KIAA1191: variants seen among roughly 807,000 people sequenced by gnomAD.
KIAA1191 encodes putative monooxygenase p33MONOX.
KIAA1191 carries 22 observed loss-of-function variants against 31.1 expected under a neutral mutation model. That is an observed-to-expected ratio of 0.71 (90% CI 0.51 to 1.01). The LOEUF is 1.01. KIAA1191 is among the 50% of genes least tolerant of loss of function. The probability of loss-of-function intolerance (pLI) is 0.00; values close to 1 mark genes in which losing one functional copy is unlikely to be tolerated. For synonymous variants in KIAA1191, 130 were observed against 143.9 expected, an observed-to-expected ratio of 0.90 and a Z score of 0.69; for missense variants, 319 against 388.0, an observed-to-expected ratio of 0.82 and a Z score of 1.49.
Position 176,348,305 on chromosome 5 carries a change from A to T in KIAA1191, c.511T>A (p.Ser171Thr). ...EVTKEERQPA[S>T]AQSTPSTTPH... ...GTGGTGCTTGGGGTGGACTGGGCTGATGCAGGCTGCCTCTCTTCTTTTGTT... is the reference window on the plus strand; with the variant it reads ...GTGGTGCTTGGGGTGGACTGGGCTGTTGCAGGCTGCCTCTCTTCTTTTGTT... The change falls in exon 7 of 9, where the codon TCA (serine) becomes ACA (threonine). Residue 171 changes from serine (S) to threonine (T), a missense_variant. Transcript: ENST00000298569. 1 of 1,613,806 alleles carries T rather than the reference A, an allele frequency of 6.2e-7. No individual in the cohort carries two copies.
At position 176,347,281 on chromosome 5, in the gene KIAA1191, A is replaced by G. The variant is rs1407312938; in HGVS notation, c.*319T>C. 1 of 175,596 alleles carries G rather than the reference A, an allele frequency of 5.7e-6. No individual in the cohort carries two copies. The highest frequency in any genetic ancestry group is 2.4e-5 in the African/African-American group (1 of 42,428). The allele number at this position is 175,596 out of a possible 1,614,324, so 10.9% of individuals were successfully genotyped here. A position where few individuals can be genotyped will look rare whatever the true frequency, so the allele number is the denominator to read the frequency against. ...TAATGGCATGATCTCAGCTCGGTAC[A>G]ACATCTGCTTCCTGGGTTCAGGCGA... is the stretch of plus-strand genomic sequence containing the variant. On this transcript the variant is annotated 3_prime_UTR_variant, in exon 9 of 9. Coordinates refer to ENST00000298569, the MANE Select transcript of KIAA1191 (RefSeq NM_020444.5).
rs374079043 is a variant in KIAA1191, at chr5:176,354,908, C to G, written c.207+663G>C. On this transcript the variant is annotated intron_variant, in intron 4 of 8. Coordinates refer to ENST00000298569, the MANE Select transcript of KIAA1191 (RefSeq NM_020444.5). The stretch of plus-strand genomic sequence containing the variant: ...AGGACGGAGATGTCAGGAAAACTGT[C>G]ACAGAAGAGACTTTTGAGCTAAGAC... 6.0e-5 allele frequency among the ~76,000 whole-genome samples: 9 copies of G among 150,082 alleles called. No individual in the cohort carries two copies. The East Asian group carries it at 1.4e-3, about 23-fold the overall frequency.
chr5:176,356,420 T>G (rs1026303262), intron 3 of KIAA1191, among the ~76,000 whole-genome samples: 1 of 152,210 alleles, frequency 6.6e-6, no homozygotes, highest in Non-Finnish European at 1.5e-5. Context: ...TACCTGGGGC[T>G]CAGCCAAGGT....
In KIAA1191 at chr5:176,358,228, A is replaced by G. The variant is rs551836861; in HGVS notation, c.28+1253T>C. ...GCCTTTTTACCAAGACTTCCATCCC[A>G]CCTCCCCATCACCCCCAAAAAGGTG... On this transcript the variant is annotated intron_variant, in intron 3 of 8. Transcript: ENST00000298569. 1.2e-4 allele frequency among the ~76,000 whole-genome samples: 19 copies of G among 152,076 alleles called. No individual in the cohort carries two copies. In the South Asian group the frequency reaches 3.5e-3, roughly 28 times the overall value.
rs755808465 is a variant in KIAA1191 at position 176,355,637 on chromosome 5, TGGA to T, written c.138_140del (p.Pro47del). 6.8e-6 allele frequency: 11 copies of T among 1,612,784 alleles called. 1 individual carries two copies. In the South Asian group the frequency reaches 9.9e-5, roughly 14 times the overall value. On this transcript the variant is annotated inframe_deletion, in exon 4 of 9. Coordinates refer to ENST00000298569, the MANE Select transcript of KIAA1191 (RefSeq NM_020444.5). The surrounding 1 kb of genome is among the most constrained non-coding windows in gnomAD (Gnocchi z 4.2). ...TCCAAGGGACGCTGCCCATGTCCGATGGAGGAGGAGTCATGGGCGCAGGGTCCT... is the reference window on the plus strand; with the variant it reads ...TCCAAGGGACGCTGCCCATGTCCGATGGAGGAGTCATGGGCGCAGGGTCCT...
intron 5 of KIAA1191, 79 bp downstream of exon 5, chr5:176,352,543 C>T: frequency 6.6e-7 from 1 of 1,514,800 alleles, no homozygotes; most frequent in Non-Finnish European, 9.0e-7. Context: ...GTTGCAGTAT[C>T]ATCTCCAATC....
At chr5:176,360,412 T>C (rs921700885) in intron 1 of KIAA1191, among the ~76,000 whole-genome samples, 2 of 151,614 alleles carry the variant, frequency 1.3e-5, no homozygotes, top group Non-Finnish European at 2.9e-5. Flanking sequence ...CACCTCGGCC[T>C]CCCAAAGTGC....
chr5:176,348,215 C>T (rs376773542), intron 7 of KIAA1191, 35 bp downstream of exon 7: 28 of 1,601,532 alleles, frequency 1.7e-5, no homozygotes, highest in East Asian at 6.7e-5. Flanking sequence ...TCCTGAAGCA[C>T]GCAGGAACTC....
At chr5:176,358,424 G>A (rs1767680571) in intron 3 of KIAA1191, among the ~76,000 whole-genome samples, 1 of 152,214 alleles carries the variant, frequency 6.6e-6, no homozygotes, top group South Asian at 2.1e-4. Context: ...TTTAAATGAT[G>A]CCAATCTAAG....
At chr5:176,359,314 A>G in intron 3 of KIAA1191, 167 bp downstream of exon 3, 2 of 553,262 alleles carry the variant, frequency 3.6e-6, no homozygotes, top group Non-Finnish European at 6.3e-6. Flanking sequence ...GCAAGACTCC[A>G]TCTCAAAAAA....
intron 4 of KIAA1191, among the ~76,000 whole-genome samples, chr5:176,353,934 T>C (rs1377259530): frequency 6.6e-6 from 1 of 152,172 alleles, no homozygotes; most frequent in Non-Finnish European, 1.5e-5. Context: ...TGGAATACTC[T>C]CCCTGAACAA....
chr5:176,357,670 T>C (rs1767625101), intron 3 of KIAA1191, among the ~76,000 whole-genome samples: 1 of 152,170 alleles, frequency 6.6e-6, no homozygotes, highest in African/African-American at 2.4e-5. Flanking sequence ...ATTCACTGAA[T>C]GGGCACAATC....
rs1041534351 is a variant in KIAA1191, at chr5:176,347,438, G to A, written c.*162C>T. On this transcript the variant is annotated 3_prime_UTR_variant, in exon 9 of 9. Coordinates refer to ENST00000298569, the MANE Select transcript of KIAA1191 (RefSeq NM_020444.5). ...GCTGGTCTTGAACTCCTGACCTCAG[G>A]TATCCACCTACCTTGGCCTCCCAAA... 4.4e-6 allele frequency: 2 copies of A among 454,118 alleles called. No individual in the cohort carries two copies. Among genetic ancestry groups the A allele is most frequent in the African/African-American group, 2.0e-5 (1 of 49,784 alleles). 28.1% of individuals were successfully genotyped at this position (454,118 alleles called of 1,614,324 possible).
At chr5:176,351,499 C>T (rs1164290989) in intron 5 of KIAA1191, among the ~76,000 whole-genome samples, 1 of 152,044 alleles carries the variant, frequency 6.6e-6, no homozygotes, top group African/African-American at 2.4e-5. Flanking sequence ...ATGGCTCACA[C>T]CTGTAATCCC....
At chr5:176,348,444 T>C in intron 6 of KIAA1191, 88 bp from the exon 7 acceptor site, 1 of 932,682 alleles carries the variant, frequency 1.1e-6, no homozygotes, top group Non-Finnish European at 1.7e-6. Context: ...TTGGTTCGCA[T>C]TCTAACTTTA....
At position 176,352,633 on chromosome 5, in the gene KIAA1191, G is replaced by T. The variant is rs1484138102; in HGVS notation, c.323C>A (p.Ser108Tyr). Reference protein sequence around the residue: ...KAKATHVIMNSLITKQTQESI... With the variant: ...KAKATHVIMNYLITKQTQESI... ...TGAAGAGTGCTTACTTGTGATCAGA[G>T]AATTCATGATGACATGGGTAGCTTT... Residue 108 changes from serine to tyrosine, a missense_variant, in exon 5 of 9, where the codon TCT (serine) becomes TAT (tyrosine). Transcript: ENST00000298569. 5.6e-6 allele frequency: 9 copies of T among 1,613,626 alleles called. No homozygotes were observed. Among genetic ancestry groups the T allele is most frequent in the African/African-American group, 2.7e-5 (2 of 74,916 alleles).
At position 176,359,009 on chromosome 5, in the gene KIAA1191, G is replaced by A. The variant is rs1274043770; in HGVS notation, c.28+472C>T. On this transcript the variant is annotated intron_variant, in intron 3 of 8. Coordinates refer to ENST00000298569, the MANE Select transcript of KIAA1191 (RefSeq NM_020444.5). ...TGAGGCAGGAGAATGGTGTGAACCC[G>A]GGAGGCGGAGCTTGCAGTGAGCTGA... Among the ~76,000 whole-genome samples the A allele has an allele frequency of 8.8e-5, 13 of 147,342 alleles. 1 individual carries two copies. The highest frequency in any genetic ancestry group is 2.3e-4 in the African/African-American group (9 of 39,724).
intron 3 of KIAA1191, among the ~76,000 whole-genome samples, chr5:176,356,469 C>G (rs558800460): frequency 6.6e-6 from 1 of 152,316 alleles, no homozygotes; most frequent in African/African-American, 2.4e-5. Flanking sequence ...CCAAAGAAAA[C>G]ACCAGCACTA....
chr5:176,359,565 C>A lies in KIAA1191; in HGVS notation c.-57G>T. ...ACAGAATTCCGAGCTGAGTCCCTGC[C>A]ACCTAATAAAATAACAAAGGGCATT... On this transcript the variant is annotated splice_region_variant and 5_prime_UTR_variant, in exon 3 of 9. Transcript: ENST00000298569. 7.3e-7 allele frequency: 1 copy of A among 1,378,058 alleles called. No homozygotes were observed. The highest frequency in any genetic ancestry group is 1.2e-5 in the South Asian group (1 of 86,158). 85.4% of individuals were successfully genotyped at this position (1,378,058 alleles called of 1,614,324 possible). A position where few individuals can be genotyped will look rare whatever the true frequency, so the allele number is the denominator to read the frequency against.
Sources: allele counts gnomAD v4.1 joint callset (sites outside exome capture counted in the v4.1 genomes callset), GRCh38; gene constraint gnomAD v4.1.1; non-coding constraint Gnocchi (gnomAD v3.1); transcripts MANE v1.5; gene names NCBI Gene and HGNC (gene_info 2026-07-23, HGNC 2026-07-21).